The following RNF180 variants were observed in gnomAD, a reference collection of about 807,000 sequenced individuals.
The protein encoded by RNF180 is ring finger protein 180.
RNF180 carries 38 observed loss-of-function variants against 59.2 expected under a neutral mutation model. The observed-to-expected ratio is 0.64, with a 90% confidence interval of 0.50 to 0.84. The LOEUF is 0.84. Among genes scored for constraint, RNF180 ranks in the 40% least tolerant of loss-of-function variants. The pLI, the probability that RNF180 is intolerant of heterozygous loss-of-function variation, is 0.00. For missense variants in RNF180, 705 were observed against 700.9 expected (o/e 1.01, Z -0.07); for synonymous variants, 262 against 240.3 (o/e 1.09, Z -0.84).
intron 7 of RNF180, among the ~76,000 whole-genome samples, chr5:64,362,256 A>G (rs1020129704): frequency 6.6e-6 from 1 of 151,522 alleles, no homozygotes; most frequent in African/African-American, 2.4e-5. Context: ...GCCTTCTGAT[A>G]GGCCCCGGTG....
At chr5:64,268,608 A>AT (rs1744824015) in intron 5 of RNF180, among the ~76,000 whole-genome samples, 1 of 152,184 alleles carries the variant, frequency 6.6e-6, no homozygotes, top group Non-Finnish European at 1.5e-5. Context: ...GAGGAGGAGA[A>AT]CATACCAAAG....
intron 5 of RNF180, among the ~76,000 whole-genome samples, chr5:64,289,032 A>G (rs1428962056): frequency 6.6e-6 from 1 of 152,132 alleles, no homozygotes; most frequent in African/African-American, 2.4e-5. Flanking sequence ...TGGGTTTGTC[A>G]TATATCGCTC....
At chr5:64,284,757 T>C in intron 5 of RNF180, among the ~76,000 whole-genome samples, 1 of 152,214 alleles carries the variant, frequency 6.6e-6, no homozygotes, top group East Asian at 1.9e-4. Context: ...TGGATTGGAC[T>C]TCCACTCTCT....
chr5:64,333,666 T>C (rs1044395098), intron 7 of RNF180, among the ~76,000 whole-genome samples: 16 of 152,248 alleles, frequency 1.1e-4, no homozygotes, highest in African/African-American at 3.9e-4. Context: ...TGGATAACTC[T>C]ACACTTTCCC....
chr5:64,326,638 C>T (rs140156325), intron 6 of RNF180, among the ~76,000 whole-genome samples: 1 of 152,076 alleles, frequency 6.6e-6, no homozygotes, highest in African/African-American at 2.4e-5. Flanking sequence ...GTGAATTTAT[C>T]GAACCATCCT....
In RNF180 at chr5:64,320,234, C is replaced by T. The variant is rs114169485; in HGVS notation, c.1228-4952C>T. Among the ~76,000 whole-genome samples, 739 of 152,296 alleles carry T rather than the reference C, an allele frequency of 4.9e-3. 7 individuals carry two copies. The highest frequency in any genetic ancestry group is 0.017 in the African/African-American group (718 of 41,556). ...GCCTAGTCTTGATCCTGCCCTTCCA[C>T]TTCCCATGTAAAGAAAAGCTAGCTT... On this transcript the variant is annotated intron_variant, in intron 5 of 7. Coordinates refer to ENST00000389100, the MANE Select transcript of RNF180 (RefSeq NM_001113561.2).
chr5:64,314,628 C>T (rs561922052), intron 5 of RNF180, among the ~76,000 whole-genome samples: 1 of 152,022 alleles, frequency 6.6e-6, no homozygotes, highest in Admixed American at 6.6e-5. Context: ...AAAATTAAAA[C>T]TAAAAAATTT....
intron 1 of RNF180, among the ~76,000 whole-genome samples, chr5:64,178,157 T>C (rs1750359544): frequency 7.3e-6 from 1 of 137,158 alleles, no homozygotes; most frequent in Admixed American, 8.5e-5. Flanking sequence ...TGAGCTGAGA[T>C]GGCGCCACTG....
At chr5:64,190,101 G>C (rs979043981) in intron 1 of RNF180, among the ~76,000 whole-genome samples, 1 of 152,118 alleles carries the variant, frequency 6.6e-6, no homozygotes, top group African/African-American at 2.4e-5. Flanking sequence ...CATAGCCTTA[G>C]GGGCAAGGCT....
intron 5 of RNF180, among the ~76,000 whole-genome samples, chr5:64,324,256 C>T (rs1744515418): frequency 6.6e-6 from 1 of 152,178 alleles, no homozygotes; most frequent in Non-Finnish European, 1.5e-5. Flanking sequence ...GCTCAGGGTA[C>T]AAGGCAGGAA....
chr5:64,250,215 C>A (rs529458384), intron 5 of RNF180, among the ~76,000 whole-genome samples: 1 of 152,078 alleles, frequency 6.6e-6, no homozygotes, highest in East Asian at 1.9e-4. Flanking sequence ...CCTGAACAAC[C>A]AATGGGTTAG....
intron 5 of RNF180, among the ~76,000 whole-genome samples, chr5:64,264,529 C>T (rs1217774177): frequency 6.6e-6 from 1 of 152,124 alleles, no homozygotes; most frequent in Non-Finnish European, 1.5e-5. Flanking sequence ...TGGTTTCCAG[C>T]TTCATCCATG....
At chr5:64,291,786 G>A (rs1742603774) in intron 5 of RNF180, among the ~76,000 whole-genome samples, 1 of 152,098 alleles carries the variant, frequency 6.6e-6, no homozygotes, top group Admixed American at 6.5e-5. Flanking sequence ...ACCCAAATCA[G>A]TTGTAGGTTT....
intron 1 of RNF180, among the ~76,000 whole-genome samples, chr5:64,186,104 A>C (rs1750860650): frequency 6.6e-6 from 1 of 152,070 alleles, no homozygotes; most frequent in African/African-American, 2.4e-5. Context: ...CTTTTGAGGT[A>C]ACCTAGTATA....
At chr5:64,275,316 TTC>T (rs1202209665) in intron 5 of RNF180, among the ~76,000 whole-genome samples, 3 of 145,528 alleles carry the variant, frequency 2.1e-5, no homozygotes, top group South Asian at 2.2e-4. Flanking sequence ...AGATATAGAA[TTC>T]TCTAAATCTT....
intron 1 of RNF180, among the ~76,000 whole-genome samples, chr5:64,168,109 T>A (rs939431127): frequency 1.3e-5 from 2 of 152,228 alleles, no homozygotes; most frequent in Non-Finnish European, 2.9e-5. Flanking sequence ...TTTGTATTTT[T>A]TGAAATTTCT....
At chr5:64,187,745 C>CA (rs1750942697) in intron 1 of RNF180, among the ~76,000 whole-genome samples, 1 of 152,188 alleles carries the variant, frequency 6.6e-6, no homozygotes, top group African/African-American at 2.4e-5. Context: ...CCAAATAATA[C>CA]AGGTACTTGA....
intron 5 of RNF180, among the ~76,000 whole-genome samples, chr5:64,231,732 T>C (rs1263894094): frequency 6.6e-6 from 1 of 152,220 alleles, no homozygotes; most frequent in Non-Finnish European, 1.5e-5. Flanking sequence ...CTCTGGAGAA[T>C]TCTGTGCCAT....
rs950595706 is a variant in RNF180, at chr5:64,372,059, C to T, written c.*2245C>T. 2 of 151,622 alleles carry T rather than the reference C, an allele frequency of 1.3e-5. No individual in the cohort carries two copies. Among genetic ancestry groups the T allele is most frequent in the African/African-American group, 4.8e-5 (2 of 41,372 alleles). The allele number at this position is 151,622 out of a possible 1,614,324, so 9.4% of individuals were successfully genotyped here. On this transcript the variant is annotated 3_prime_UTR_variant, in exon 8 of 8. Coordinates refer to ENST00000389100, the MANE Select transcript of RNF180 (RefSeq NM_001113561.2). ...AAGAAAAATGTTAAAGTTAATGAAG[C>T]ATAGTACTTGTCCCAAGTAATATTA...
Sources: allele counts gnomAD v4.1 joint callset (sites outside exome capture counted in the v4.1 genomes callset), GRCh38; gene constraint gnomAD v4.1.1; transcripts MANE v1.5; gene names NCBI Gene and HGNC (gene_info 2026-07-23, HGNC 2026-07-21).